TSHZ3: variants seen among roughly 807,000 people sequenced by gnomAD.
TSHZ3 encodes the protein teashirt zinc finger homeobox 3.
A neutral mutation model predicts 64.5 loss-of-function variants in TSHZ3; 10 were observed. That is an observed-to-expected ratio of 0.16 (90% CI 0.10 to 0.26). The LOEUF (loss-of-function observed/expected upper bound fraction) is 0.26. TSHZ3 is among the 10% of genes least tolerant of loss of function. The pLI is 1.00. For missense variants in TSHZ3, 1,242 were observed against 1,421.7 expected, an observed-to-expected ratio of 0.87 and a Z score of 2.03; for synonymous variants, 608 against 593.1, an observed-to-expected ratio of 1.03 and a Z score of -0.36.
intron 1 of TSHZ3, among the ~76,000 whole-genome samples, chr19:31,246,380 T>G (rs1242039634): frequency 1.3e-5 from 2 of 152,222 alleles, no homozygotes; most frequent in African/African-American, 4.8e-5. Context: ...ACTTGTGCAA[T>G]TCACATAAAT....
At chr19:31,207,591 T>A (rs970807188) in intron 4 of TSHZ3, 2 of 152,174 alleles carry the variant, frequency 1.3e-5, no homozygotes, top group Non-Finnish European at 2.9e-5. Context: ...AAACTGAGAC[T>A]GGAGAGAACT....
At chr19:31,203,116 G>A (rs142446291) in intron 5 of TSHZ3, among the ~76,000 whole-genome samples, 1 of 152,042 alleles carries the variant, frequency 6.6e-6, no homozygotes, top group African/African-American at 2.4e-5. Context: ...TGCCATAGAG[G>A]TTTAGATGGT....
chr19:31,319,431 TGA>T (rs1011716951), intron 1 of TSHZ3, among the ~76,000 whole-genome samples: 54 of 152,196 alleles, frequency 3.5e-4, no homozygotes, highest in Non-Finnish European at 3.8e-4. Context: ...GATCACTTGG[TGA>T]GACACAAACA....
rs371198561 is a variant in TSHZ3, at chr19:31,159,638, T to A, written n.810-3221A>T. Among the ~76,000 whole-genome samples the A allele has an allele frequency of 6.8e-4, 103 of 152,304 alleles. No homozygotes were observed. In the South Asian group the frequency reaches 0.021, roughly 31 times the overall value. ...TGTGCTTCACCAACTATAAGGTACC[T>A]TGATGGTGAGGAATGTTAATTGAAA... On this transcript the variant is annotated intron_variant and non_coding_transcript_variant, in intron 5 of 6. Coordinates refer to the TSHZ3 transcript ENST00000651361.
intron 3 of TSHZ3, among the ~76,000 whole-genome samples, chr19:31,235,142 A>G (rs1050643283): frequency 3.3e-5 from 5 of 152,238 alleles, no homozygotes; most frequent in African/African-American, 1.2e-4. Context: ...GATCCCCACA[A>G]CCAAACTAAT....
chr19:31,194,117 C>T (rs771486221), intron 5 of TSHZ3, among the ~76,000 whole-genome samples: 10 of 152,110 alleles, frequency 6.6e-5, no homozygotes, highest in Non-Finnish European at 1.2e-4. Flanking sequence ...AAGGAATCAG[C>T]GCCAAAGTCG....
chr19:31,172,174 C>CAA (rs1295628810), intron 5 of TSHZ3, among the ~76,000 whole-genome samples: 1 of 152,162 alleles, frequency 6.6e-6, no homozygotes, highest in African/African-American at 2.4e-5. Context: ...AGATTTAGGG[C>CAA]AGAGGTTTGA....
Position 31,277,174 on chromosome 19 carries a change from G to C in TSHZ3, c.2619C>G (p.Asp873Glu). 1 of 1,614,134 alleles carries C rather than the reference G, an allele frequency of 6.2e-7. No individual in the cohort carries two copies. The highest frequency in any genetic ancestry group is 1.1e-5 in the South Asian group (1 of 91,070). Residue 873 changes from aspartate to glutamate, a missense_variant, in exon 2 of 2, where the codon GAC (aspartate) becomes GAG (glutamate). Asp to Glu is a conservative substitution (Grantham distance 45). Transcript: ENST00000240587. The surrounding 1 kb of genome is among the most constrained non-coding windows in gnomAD (Gnocchi z 4.5). ...CCTCCTCCAGAGTGGCCCCGTCAAT[G>C]TCAGACTTCTCGGAGATGCTGGAAG... ...STPSSISEKS[D>E]IDGATLEEAE...
At chr19:31,180,261 A>G (rs1330228958) in intron 5 of TSHZ3, among the ~76,000 whole-genome samples, 1 of 152,152 alleles carries the variant, frequency 6.6e-6, no homozygotes, top group Non-Finnish European at 1.5e-5. Flanking sequence ...GAATGAATGA[A>G]TGAATGAAGA....
chr19:31,165,010 G>A (rs1025920366), intron 5 of TSHZ3, among the ~76,000 whole-genome samples: 4 of 152,214 alleles, frequency 2.6e-5, no homozygotes, highest in Non-Finnish European at 4.4e-5. Flanking sequence ...TGCCGAGCCC[G>A]TCCCGGGGAT....
chr19:31,212,234 T>C (rs1477596099), intron 4 of TSHZ3, among the ~76,000 whole-genome samples: 1 of 152,048 alleles, frequency 6.6e-6, no homozygotes, highest in Non-Finnish European at 1.5e-5. Context: ...GGCAGGAGAA[T>C]TACTTGAGGT....
At chr19:31,314,639 T>C (rs894819223) in intron 1 of TSHZ3, among the ~76,000 whole-genome samples, 1 of 152,244 alleles carries the variant, frequency 6.6e-6, no homozygotes, top group African/African-American at 2.4e-5. Flanking sequence ...CAGGGTTTTA[T>C]TCATATGTGA....
At chr19:31,299,834 C>T (rs1976723625) in intron 1 of TSHZ3, among the ~76,000 whole-genome samples, 1 of 152,186 alleles carries the variant, frequency 6.6e-6, no homozygotes, top group South Asian at 2.1e-4. Context: ...TGTTGGCAGC[C>T]TCTTGGAGGG....
downstream of TSHZ3, among the ~76,000 whole-genome samples, chr19:31,272,854 C>G (rs750101883): frequency 3.2e-4 from 49 of 152,160 alleles, no homozygotes; most frequent in Admixed American, 1.5e-3. Context: ...AGGTCAGGGT[C>G]ACCCGCGCAC....
chr19:31,251,519 G>T lies in TSHZ3; in HGVS notation n.64-8644C>A, dbSNP rs541833619. On this transcript the variant is annotated intron_variant and non_coding_transcript_variant, in intron 1 of 6. Transcript: ENST00000651361. ...CTCTTTGACCTCCTTCACAGCAAAT[G>T]AAGCTGAGACCCAGAAGATAAAGGA... 1.2e-4 allele frequency among the ~76,000 whole-genome samples: 19 copies of T among 152,284 alleles called. No individual in the cohort carries two copies. In the South Asian group the frequency reaches 3.9e-3, roughly 32 times the overall value.
intron 1 of TSHZ3, among the ~76,000 whole-genome samples, chr19:31,257,239 G>A (rs1007357724): frequency 2.6e-5 from 4 of 152,186 alleles, no homozygotes; most frequent in Non-Finnish European, 4.4e-5. Context: ...GGAGCAGGAC[G>A]GTGCCGTGGG....
At chr19:31,216,144 G>A (rs1279942833) in intron 4 of TSHZ3, among the ~76,000 whole-genome samples, 3 of 152,046 alleles carry the variant, frequency 2.0e-5, no homozygotes, top group Non-Finnish European at 2.9e-5. Flanking sequence ...GTGTATACAA[G>A]AAATATAATT....
intron 1 of TSHZ3, among the ~76,000 whole-genome samples, chr19:31,304,211 G>A (rs1976802773): frequency 6.6e-6 from 1 of 152,190 alleles, no homozygotes; most frequent in African/African-American, 2.4e-5. Context: ...CTGACCTCGT[G>A]ATCTGCCTGC....
chr19:31,321,183 A>G (rs961077974), intron 1 of TSHZ3, among the ~76,000 whole-genome samples: 1 of 152,230 alleles, frequency 6.6e-6, no homozygotes, highest in Non-Finnish European at 1.5e-5. Context: ...AGGCCTGGCC[A>G]GCTCCTTAAT....
Sources: gnomAD v4.1 joint callset for allele counts (sites outside exome capture counted in the v4.1 genomes callset) on GRCh38, gnomAD v4.1.1 for gene constraint, Gnocchi (gnomAD v3.1) non-coding constraint, MANE v1.5 for transcripts, NCBI Gene and HGNC (gene_info 2026-07-23, HGNC 2026-07-21) for gene names.